CYB5R4: variants seen among roughly 807,000 people sequenced by gnomAD.
CYB5R4 encodes the protein cytochrome b5 reductase 4, also known as N-terminal cytochrome b5 and cytochrome b5 oxidoreductase domain-containing protein.
A neutral mutation model predicts 70.2 loss-of-function variants in CYB5R4; 55 were observed. That is an observed-to-expected ratio of 0.78 (90% CI 0.63 to 0.98). The LOEUF is 0.98. CYB5R4 is among the 50% of genes least tolerant of loss of function. CYB5R4 has a pLI of 0.00. For missense variants in CYB5R4, 562 were observed against 612.6 expected, an observed-to-expected ratio of 0.92 and a Z score of 0.87; for synonymous variants, 197 against 199.5, an observed-to-expected ratio of 0.99 and a Z score of 0.11.
intron 10 of CYB5R4, among the ~76,000 whole-genome samples, chr6:83,927,827 C>G (rs1267299444): frequency 6.6e-6 from 1 of 152,064 alleles, no homozygotes. Context: ...CCTCAGAGGT[C>G]TAGGAAGGGG....
chr6:83,891,570 G>A (rs944311135), intron 2 of CYB5R4, among the ~76,000 whole-genome samples: 28 of 152,268 alleles, frequency 1.8e-4, no homozygotes, highest in African/African-American at 6.5e-4. Context: ...TTCATAATTA[G>A]CAAATTACTA....
rs146518473 is a variant in CYB5R4 at position 83,886,914 on chromosome 6, G to C, written c.230-6608G>C. 2.4e-4 allele frequency among the ~76,000 whole-genome samples: 37 copies of C among 152,136 alleles called. No individual in the cohort carries two copies. The East Asian group carries it at 6.4e-3, about 26-fold the overall frequency. ...ACGCTGTTAGTGAGGTTAGACAATT[G>C]GTATACTTTCTTTTCTAATACACAT... On this transcript the variant is annotated intron_variant, in intron 2 of 15. Transcript: ENST00000369681.
intron 3 of CYB5R4, among the ~76,000 whole-genome samples, chr6:83,894,722 ATAAAG>A (rs1244420302): frequency 6.6e-6 from 1 of 152,218 alleles, no homozygotes; most frequent in Non-Finnish European, 1.5e-5. Context: ...TATTCTTACA[ATAAAG>A]TAAGCTAAAG....
rs984098629 is a variant in CYB5R4, at chr6:83,924,481, G to A, written c.703G>A (p.Glu235Lys). Residue 235 changes from glutamate to lysine, a missense_variant, in exon 10 of 16, where the codon GAG (glutamate) becomes AAG (lysine). Coordinates refer to ENST00000369681, the MANE Select transcript of CYB5R4 (RefSeq NM_016230.4). The stretch of plus-strand genomic sequence containing the variant: ...TATCTTCTTTTCAGTGCGGGTTGTT[G>A]AGAGTGTGGGAAAAATAGAGATTGT... ...VQEDFSVRVVESVGKIEIVLQ... is the reference protein window; with the variant it reads ...VQEDFSVRVVKSVGKIEIVLQ... The A allele has an allele frequency of 5.0e-6, 8 of 1,613,486 alleles. No individual in the cohort carries two copies. The African/African-American group carries it at 1.1e-4, about 22-fold the overall frequency.
chr6:83,946,717 G>A (rs1422656680), intron 14 of CYB5R4, among the ~76,000 whole-genome samples: 1 of 152,192 alleles, frequency 6.6e-6, no homozygotes. Context: ...AGCAACTTCA[G>A]CAAAGTCTCA....
chr6:83,894,091 G>A (rs977427285), intron 3 of CYB5R4, among the ~76,000 whole-genome samples: 2 of 152,210 alleles, frequency 1.3e-5, no homozygotes, highest in Non-Finnish European at 2.9e-5. Context: ...AAAGTTAGCC[G>A]ATGGTGATTA....
At chr6:83,861,681 G>T (rs1157008841) in intron 1 of CYB5R4, among the ~76,000 whole-genome samples, 1 of 152,204 alleles carries the variant, frequency 6.6e-6, no homozygotes, top group East Asian at 1.9e-4. Context: ...ATGGCATCCT[G>T]TCCAAGGTCG....
intron 9 of CYB5R4, among the ~76,000 whole-genome samples, chr6:83,923,683 C>A (rs911818435): frequency 3.9e-5 from 6 of 151,966 alleles, no homozygotes; most frequent in East Asian, 1.9e-4. Context: ...ATCAAAGATT[C>A]ACATGCACTT....
At chr6:83,934,063 C>T (rs561889994) in intron 10 of CYB5R4, among the ~76,000 whole-genome samples, 1 of 152,116 alleles carries the variant, frequency 6.6e-6, no homozygotes, top group South Asian at 2.1e-4. Flanking sequence ...TGTTGTTAAG[C>T]CTTAAAGGCT....
Position 83,965,711 on chromosome 6 carries a change from A to G in CYB5R4, c.*5833A>G, listed in dbSNP as rs2099473947. The stretch of plus-strand genomic sequence containing the variant: ...TTGGAGGAGCCAGGGGTGGGATGAT[A>G]TGGTTTGGCTCTGTGTCCCCACCCA... On this transcript the variant is annotated 3_prime_UTR_variant, in exon 16 of 16. Transcript: ENST00000369681. 1.3e-5 allele frequency: 2 copies of G among 152,116 alleles called. No individual in the cohort carries two copies. Among genetic ancestry groups the G allele is most frequent in the South Asian group, 2.1e-4 (1 of 4,830 alleles). The allele number at this position is 152,116 out of a possible 1,614,324, so 9.4% of individuals were successfully genotyped here. A position where few individuals can be genotyped will look rare whatever the true frequency, so the allele number is the denominator to read the frequency against.
intron 10 of CYB5R4, among the ~76,000 whole-genome samples, chr6:83,924,851 T>C (rs1004075040): frequency 1.2e-4 from 19 of 152,322 alleles, no homozygotes; most frequent in South Asian, 2.1e-4. Context: ...CCACTTGTGC[T>C]TAGACTGTTG....
At chr6:83,947,609 A>T (rs922929874) in intron 14 of CYB5R4, among the ~76,000 whole-genome samples, 1 of 152,178 alleles carries the variant, frequency 6.6e-6, no homozygotes, top group Non-Finnish European at 1.5e-5. Flanking sequence ...TGAACAGGCA[A>T]CCTACAGAAT....
intron 14 of CYB5R4, among the ~76,000 whole-genome samples, chr6:83,952,232 AG>A (rs1351802007): frequency 6.6e-6 from 1 of 152,196 alleles, no homozygotes; most frequent in Non-Finnish European, 1.5e-5. Context: ...ATCACTTTAA[AG>A]ATTTGTGTGC....
chr6:83,914,941 C>T (rs1350422426), intron 5 of CYB5R4, among the ~76,000 whole-genome samples: 1 of 151,432 alleles, frequency 6.6e-6, no homozygotes, highest in South Asian at 2.1e-4. Context: ...TTACTCTTAT[C>T]GTCGTGCCTT....
chr6:83,865,562 A>G (rs2099456595), intron 2 of CYB5R4, among the ~76,000 whole-genome samples: 1 of 152,026 alleles, frequency 6.6e-6, no homozygotes, highest in Non-Finnish European at 1.5e-5. Context: ...CATATTCCCT[A>G]TGTGCTTGTC....
chr6:83,903,732 G>T (rs2099463354), intron 3 of CYB5R4, among the ~76,000 whole-genome samples: 1 of 151,782 alleles, frequency 6.6e-6, no homozygotes, highest in African/African-American at 2.4e-5. Flanking sequence ...ACTGGTTATT[G>T]GTCTGTTCAT....
chr6:83,952,596 A>C (rs1214583812), intron 14 of CYB5R4, among the ~76,000 whole-genome samples: 1 of 152,142 alleles, frequency 6.6e-6, no homozygotes, highest in Non-Finnish European at 1.5e-5. Context: ...AATATTGTGC[A>C]TGAAGGAGAA....
chr6:83,877,032 A>G (rs1328860137), intron 2 of CYB5R4, among the ~76,000 whole-genome samples: 1 of 152,090 alleles, frequency 6.6e-6, no homozygotes, highest in Non-Finnish European at 1.5e-5. Flanking sequence ...GGGTTTCACC[A>G]CATTAGCCAG....
chr6:83,863,985 AT>A (rs2099456376), intron 1 of CYB5R4, among the ~76,000 whole-genome samples, 189 bp from the exon 2 acceptor site: 1 of 152,210 alleles, frequency 6.6e-6, no homozygotes, highest in Non-Finnish European at 1.5e-5. Flanking sequence ...TGACATCAAT[AT>A]GGTGAAAATT....
Sources: gnomAD v4.1 joint callset for allele counts (sites outside exome capture counted in the v4.1 genomes callset) on GRCh38, gnomAD v4.1.1 for gene constraint, MANE v1.5 for transcripts, NCBI Gene and HGNC (gene_info 2026-07-23, HGNC 2026-07-21) for gene names.